GALNTL6: variants seen among roughly 807,000 people sequenced by gnomAD.
The protein encoded by GALNTL6 is polypeptide N-acetylgalactosaminyltransferase-like 6.
GALNTL6 carries 46 observed loss-of-function variants against 73.7 expected under a neutral mutation model. The observed-to-expected ratio is 0.62, with a 90% CI of 0.49 to 0.80. The LOEUF is 0.80. Among genes scored for constraint, GALNTL6 ranks in the 30% least tolerant of loss-of-function variants. GALNTL6 has a pLI of 0.00. For missense variants in GALNTL6, 604 were observed against 755.0 expected (o/e 0.80, Z 2.34); for synonymous variants, 259 against 263.7 (o/e 0.98, Z 0.17).
chr4:171,973,010 C>G (rs1739617152), intron 2 of GALNTL6, among the ~76,000 whole-genome samples: 1 of 151,994 alleles, frequency 6.6e-6, no homozygotes, highest in Non-Finnish European at 1.5e-5. Context: ...AAATATAAAA[C>G]TATGCAATTA....
chr4:172,044,810 C>T (rs1166760119), intron 2 of GALNTL6, among the ~76,000 whole-genome samples: 1 of 151,920 alleles, frequency 6.6e-6, no homozygotes, highest in Non-Finnish European at 1.5e-5. Context: ...ACCCAGAAAA[C>T]TTTGTTTGCA....
intron 5 of GALNTL6, among the ~76,000 whole-genome samples, chr4:172,369,089 C>T (rs1742685001): frequency 6.6e-6 from 1 of 152,298 alleles, no homozygotes; most frequent in African/African-American, 2.4e-5. Flanking sequence ...TTATGTGCCC[C>T]CCCCCACATC....
chr4:172,127,700 C>T (rs1022964209), intron 2 of GALNTL6, among the ~76,000 whole-genome samples: 2 of 152,136 alleles, frequency 1.3e-5, no homozygotes, highest in African/African-American at 4.8e-5. Context: ...TAAACCAATA[C>T]TATGAAATTG....
At chr4:172,729,414 A>G (rs1736019029) in intron 5 of GALNTL6, among the ~76,000 whole-genome samples, 1 of 152,122 alleles carries the variant, frequency 6.6e-6, no homozygotes, top group South Asian at 2.1e-4. Context: ...ATGTAGGGTA[A>G]GAGATAGGGA....
intron 2 of GALNTL6, among the ~76,000 whole-genome samples, chr4:172,137,280 G>T (rs1579173898): frequency 1.3e-5 from 2 of 152,082 alleles, no homozygotes; most frequent in Admixed American, 6.5e-5. Flanking sequence ...TCTGAGAGAA[G>T]GAAAGTAGTT....
chr4:171,949,540 G>A (rs1738804739), intron 2 of GALNTL6, among the ~76,000 whole-genome samples: 1 of 152,150 alleles, frequency 6.6e-6, no homozygotes, highest in Non-Finnish European at 1.5e-5. Context: ...GTATAAAAGA[G>A]GGTGAAGGTG....
chr4:172,458,096 T>C lies in GALNTL6; in HGVS notation c.553+109407T>C, dbSNP rs376087332. Among the ~76,000 whole-genome samples, 5 of 152,146 alleles carry C rather than the reference T, an allele frequency of 3.3e-5. No homozygotes were observed. In the South Asian group the frequency reaches 1.0e-3, roughly 32 times the overall value. On this transcript the variant is annotated intron_variant, in intron 5 of 12. Coordinates refer to ENST00000506823, the MANE Select transcript of GALNTL6 (RefSeq NM_001034845.3). ...CAAAACCACACAACCACATGGAAAC[T>C]GAACAACGTGCTCCTGAATGACTAC...
At chr4:172,154,333 A>G (rs1734191285) in intron 2 of GALNTL6, among the ~76,000 whole-genome samples, 1 of 151,992 alleles carries the variant, frequency 6.6e-6, no homozygotes, top group Non-Finnish European at 1.5e-5. Flanking sequence ...CCTGGGTTCA[A>G]GCGATTCTCC....
Position 171,835,327 on chromosome 4 carries a change from T to A in GALNTL6, c.138+20609T>A, listed in dbSNP as rs544729595. On this transcript the variant is annotated intron_variant, in intron 2 of 12. Transcript: ENST00000506823. ...GTATGTATATGTGTCTCCGTGTATC[T>A]GTGTGTGTCTGTATGTCTATGCAAA... Among the ~76,000 whole-genome samples, 8 of 152,188 alleles carry A rather than the reference T, an allele frequency of 5.3e-5. No homozygotes were observed. In the East Asian group the frequency reaches 9.7e-4, roughly 18 times the overall value.
At chr4:172,082,609 T>G (rs183091897) in intron 2 of GALNTL6, among the ~76,000 whole-genome samples, 1 of 152,046 alleles carries the variant, frequency 6.6e-6, no homozygotes, top group Non-Finnish European at 1.5e-5. Flanking sequence ...GCAAGAAAGA[T>G]TGTGGCAGAG....
At chr4:172,426,919 TA>T (rs398108326) in intron 5 of GALNTL6, among the ~76,000 whole-genome samples, 2 of 5,466 alleles carry the variant, frequency 3.7e-4, no homozygotes, top group East Asian at 3.3e-3. Context: ...AGGACTCTTA[TA>T]TATATATATA....
chr4:171,828,705 T>A (rs1734888850), intron 2 of GALNTL6, among the ~76,000 whole-genome samples: 1 of 152,138 alleles, frequency 6.6e-6, no homozygotes, highest in Non-Finnish European at 1.5e-5. Context: ...CTGCAACTTC[T>A]TCTGCCTCCC....
chr4:172,675,185 G>A (rs1391951161), intron 5 of GALNTL6, among the ~76,000 whole-genome samples: 1 of 151,924 alleles, frequency 6.6e-6, no homozygotes, highest in African/African-American at 2.4e-5. Context: ...GGGTTTGATT[G>A]TAGTATAAGA....
intron 8 of GALNTL6, among the ~76,000 whole-genome samples, chr4:172,897,342 A>ACT (rs1746382786): frequency 6.6e-6 from 1 of 152,034 alleles, no homozygotes; most frequent in Admixed American, 6.6e-5. Context: ...GCAGGCTCAG[A>ACT]CTCTCAGGCT....
chr4:172,867,616 A>C (rs1744725383), intron 7 of GALNTL6, among the ~76,000 whole-genome samples: 1 of 152,246 alleles, frequency 6.6e-6, no homozygotes, highest in African/African-American at 2.4e-5. Flanking sequence ...ACGAAGGTGC[A>C]CAATGCTTTC....
intron 11 of GALNTL6, among the ~76,000 whole-genome samples, chr4:173,015,460 A>G (rs1442814395): frequency 6.6e-6 from 1 of 152,226 alleles, no homozygotes; most frequent in African/African-American, 2.4e-5. Context: ...AGACTTGTTA[A>G]ATTACTTTGA....
intron 5 of GALNTL6, among the ~76,000 whole-genome samples, chr4:172,784,575 G>C (rs1739549882): frequency 6.6e-6 from 1 of 152,012 alleles, no homozygotes; most frequent in African/African-American, 2.4e-5. Context: ...CTGTTTCCTT[G>C]ACTTTTCCAG....
At chr4:172,532,206 C>T (rs1735191870) in intron 5 of GALNTL6, among the ~76,000 whole-genome samples, 1 of 152,120 alleles carries the variant, frequency 6.6e-6, no homozygotes. Flanking sequence ...AGATGTAATA[C>T]AGTTAAGAAG....
intron 5 of GALNTL6, among the ~76,000 whole-genome samples, chr4:172,449,708 C>T (rs1235741896): frequency 1.3e-5 from 2 of 152,032 alleles, no homozygotes; most frequent in Non-Finnish European, 2.9e-5. Flanking sequence ...GAATTTTTTT[C>T]TATTATCCTT....
Sources: gnomAD v4.1 joint callset for allele counts (sites outside exome capture counted in the v4.1 genomes callset) on GRCh38, gnomAD v4.1.1 for gene constraint, MANE v1.5 for transcripts, NCBI Gene and HGNC (gene_info 2026-07-23, HGNC 2026-07-21) for gene names.